Variants in ESR1 observed in about 807,000 individuals in gnomAD.
ESR1 encodes the protein estrogen receptor.
Under a neutral mutation model 52.7 loss-of-function variants are expected in ESR1, and 12 were observed. That is an observed-to-expected ratio of 0.23 (90% CI 0.15 to 0.37). The LOEUF (loss-of-function observed/expected upper bound fraction) is 0.37, where lower values mean the gene tolerates loss of function less well. Among genes scored for constraint, ESR1 ranks in the 10% least tolerant of loss-of-function variants. The pLI, the probability that ESR1 is intolerant of heterozygous loss-of-function variation, is 1.00. For missense variants in ESR1, 584 were observed against 779.7 expected (o/e 0.75, Z 2.99); for synonymous variants, 305 against 316.8 (o/e 0.96, Z 0.39).
chr6:151,802,321 C>CA (rs1777336705), upstream of ESR1, among the ~76,000 whole-genome samples: 1 of 152,102 alleles, frequency 6.6e-6, no homozygotes. Context: ...GATAAATGCT[C>CA]AAAAATAAGC....
At chr6:152,105,499 C>T (rs1359616111), downstream of ESR1, among the ~76,000 whole-genome samples, 2 of 149,992 alleles carry the variant, frequency 1.3e-5, no homozygotes, top group African/African-American at 2.5e-5. Context: ...AATCTTGGCT[C>T]ACTGCAACCT....
intron 3 of ESR1, among the ~76,000 whole-genome samples, chr6:151,918,095 G>A (rs1259531122): frequency 6.6e-6 from 1 of 152,166 alleles, no homozygotes; most frequent in African/African-American, 2.4e-5. Flanking sequence ...TAAACTTGTG[G>A]GCAGATACCC....
At chr6:151,762,116 T>C (rs552063492) in intron 2 of ESR1, among the ~76,000 whole-genome samples, 25 of 152,336 alleles carry the variant, frequency 1.6e-4, no homozygotes, top group African/African-American at 5.5e-4. Flanking sequence ...GGTGCTTCCA[T>C]TGAGCAGCTA....
intron 6 of ESR1, among the ~76,000 whole-genome samples, chr6:152,111,646 A>G (rs2051137390): frequency 6.6e-6 from 1 of 152,196 alleles, no homozygotes; most frequent in Non-Finnish European, 1.5e-5. Flanking sequence ...ATTTCCAACC[A>G]GAAAGAACAT....
At chr6:151,754,934 G>A (rs1227321870) in intron 2 of ESR1, among the ~76,000 whole-genome samples, 1 of 152,188 alleles carries the variant, frequency 6.6e-6, no homozygotes, top group Admixed American at 6.5e-5. Context: ...ATTCTGGGCT[G>A]GGGGTGGTGG....
intron 4 of ESR1, among the ~76,000 whole-genome samples, chr6:151,945,282 A>G (rs1049675388): frequency 6.6e-6 from 1 of 152,230 alleles, no homozygotes; most frequent in African/African-American, 2.4e-5. Context: ...AGATAATAAT[A>G]AGTGTATTTA....
At chr6:151,871,026 A>T (rs1229817899) in intron 2 of ESR1, among the ~76,000 whole-genome samples, 1 of 151,546 alleles carries the variant, frequency 6.6e-6, no homozygotes, top group East Asian at 1.9e-4. Flanking sequence ...TAATTTAAAA[A>T]CTTTTGTAGA....
At chr6:151,923,313 A>T (rs893412362) in intron 3 of ESR1, among the ~76,000 whole-genome samples, 1 of 152,078 alleles carries the variant, frequency 6.6e-6, no homozygotes, top group Non-Finnish European at 1.5e-5. Context: ...TTAAGTTTGG[A>T]TACATTGTGG....
At chr6:151,756,731 T>C (rs1784319014) in intron 2 of ESR1, among the ~76,000 whole-genome samples, 1 of 152,234 alleles carries the variant, frequency 6.6e-6, no homozygotes, top group South Asian at 2.1e-4. Flanking sequence ...GGCTCACGCC[T>C]GTAATCCCAG....
chr6:151,975,881 G>A lies in ESR1; in HGVS notation c.1096+31373G>A, dbSNP rs556668450. 2.0e-5 allele frequency among the ~76,000 whole-genome samples: 3 copies of A among 152,216 alleles called. No individual in the cohort carries two copies. In the South Asian group the frequency reaches 6.2e-4, roughly 32 times the overall value. Reference sequence around the variant, plus strand: ...TAAACCTAAGGTTTAGAGAAACGCTGGTCATTCTGAACAATTCCCTGTGAA... The same window carrying A: ...TAAACCTAAGGTTTAGAGAAACGCTAGTCATTCTGAACAATTCCCTGTGAA... On this transcript the variant is annotated intron_variant, in intron 4 of 7. Coordinates refer to ENST00000206249, the MANE Select transcript of ESR1 (RefSeq NM_000125.4).
intron 6 of ESR1, among the ~76,000 whole-genome samples, chr6:152,072,391 A>T (rs1008328897): frequency 2.0e-5 from 3 of 152,034 alleles, no homozygotes; most frequent in African/African-American, 7.3e-5. Context: ...AGGAGGGTTG[A>T]TTTGTTGTGA....
intron 2 of ESR1, among the ~76,000 whole-genome samples, chr6:151,757,460 C>A (rs1784375532): frequency 6.6e-6 from 1 of 152,066 alleles, no homozygotes. Flanking sequence ...TTTCTTGTAC[C>A]CCAAATGGCT....
chr6:151,833,798 C>G (rs1471711121), intron 1 of ESR1, among the ~76,000 whole-genome samples: 1 of 152,156 alleles, frequency 6.6e-6, no homozygotes, highest in Non-Finnish European at 1.5e-5. Context: ...AAGCTGTCTT[C>G]AAGGTGCTGG....
chr6:151,691,405 T>C (rs1778931026), intron 1 of ESR1, among the ~76,000 whole-genome samples: 1 of 152,190 alleles, frequency 6.6e-6, no homozygotes. Flanking sequence ...GAATGCCACA[T>C]GTCTTAGGAA....
intron 6 of ESR1, among the ~76,000 whole-genome samples, chr6:152,088,379 G>T (rs1176131836): frequency 6.6e-6 from 1 of 152,194 alleles, no homozygotes; most frequent in South Asian, 2.1e-4. Context: ...TATGATAAAA[G>T]GAGAGAAAAA....
upstream of ESR1, among the ~76,000 whole-genome samples, chr6:151,800,002 T>A (rs1562416043): frequency 6.6e-6 from 1 of 152,190 alleles, no homozygotes; most frequent in East Asian, 1.9e-4. Flanking sequence ...TGAGTTACTT[T>A]TGGACAAGTT....
intron 2 of ESR1, among the ~76,000 whole-genome samples, chr6:151,760,627 C>A (rs542925310): frequency 6.6e-6 from 1 of 152,180 alleles, no homozygotes; most frequent in African/African-American, 2.4e-5. Context: ...CGCTCCCCAG[C>A]CTGCTCCCTT....
chr6:151,666,407 T>C (rs1376693033), intron 1 of ESR1, among the ~76,000 whole-genome samples: 1 of 152,204 alleles, frequency 6.6e-6, no homozygotes, highest in African/African-American at 2.4e-5. Context: ...TGCATGTTCC[T>C]GTTCTCTGGT....
intron 4 of ESR1, among the ~76,000 whole-genome samples, chr6:152,008,065 G>A (rs1562662459): frequency 6.6e-6 from 1 of 151,988 alleles, no homozygotes; most frequent in South Asian, 2.1e-4. Context: ...TTCTCCATTG[G>A]CTATGAACTG....
Sources: gnomAD v4.1 joint callset for allele counts (sites outside exome capture counted in the v4.1 genomes callset) on GRCh38, gnomAD v4.1.1 for gene constraint, MANE v1.5 for transcripts, NCBI Gene and HGNC (gene_info 2026-07-23, HGNC 2026-07-21) for gene names.